Variants in CDC25C observed in about 807,000 individuals in gnomAD.
The protein encoded by CDC25C is cell division cycle 25C, also known as M-phase inducer phosphatase 3.
In CDC25C, 48 loss-of-function variants were observed where a neutral mutation model predicts 52.5. The observed-to-expected ratio is 0.91, with a 90% CI of 0.72 to 1.16. The LOEUF is 1.16. CDC25C is among the 50% of genes most tolerant of loss of function. The pLI is 0.00. For missense variants in CDC25C, 510 were observed against 566.1 expected (o/e 0.90, Z 1.01); for synonymous variants, 187 against 206.5 (o/e 0.91, Z 0.81).
intron 4 of CDC25C, among the ~76,000 whole-genome samples, chr5:138,326,674 CG>C (rs1310170323): frequency 3.3e-5 from 5 of 152,062 alleles, no homozygotes; most frequent in Non-Finnish European, 7.4e-5. Context: ...TAATTTCTGG[CG>C]GGGCGCTGTG....
intron 6 of CDC25C, among the ~76,000 whole-genome samples, chr5:138,320,022 AG>A (rs1390620552): frequency 7.2e-5 from 11 of 152,192 alleles, no homozygotes; most frequent in Non-Finnish European, 5.9e-5. Flanking sequence ...AATTAAAAGC[AG>A]GGGCCGGGCG....
At chr5:138,305,533 C>T (rs949482905) in intron 7 of CDC25C, among the ~76,000 whole-genome samples, 6 of 152,144 alleles carry the variant, frequency 3.9e-5, no homozygotes, top group Non-Finnish European at 5.9e-5. Context: ...TCTGGAGTAG[C>T]TAGGACTACA....
At chr5:138,288,669 G>A (rs1756464238) in intron 10 of CDC25C, among the ~76,000 whole-genome samples, 2 of 152,274 alleles carry the variant, frequency 1.3e-5, no homozygotes, top group South Asian at 2.1e-4. Context: ...TCCAGCCTGG[G>A]CAACAAGAGC....
chr5:138,329,824 G>A (rs529584583), intron 2 of CDC25C, among the ~76,000 whole-genome samples, 177 bp from the exon 3 acceptor site: 163 of 140,516 alleles, frequency 1.2e-3, no homozygotes, highest in Admixed American at 3.9e-3. Context: ...TCCGCCTCCC[G>A]GGTTCAAGCG....
At chr5:138,331,245 G>T in intron 1 of CDC25C, 27 bp from the exon 2 acceptor site, 1 of 1,430,348 alleles carries the variant, frequency 7.0e-7, no homozygotes. Flanking sequence ...ATCTAAATCG[G>T]TACATCACAG....
rs768753804 is a variant in CDC25C at position 138,286,080 on chromosome 5, T to C, written c.1214A>G (p.Tyr405Cys). The C allele has an allele frequency of 6.2e-7, 1 of 1,614,102 alleles. No individual in the cohort carries two copies. Among genetic ancestry groups the C allele is most frequent in the Non-Finnish European group, 8.5e-7 (1 of 1,179,980 alleles). Residue 405 changes from tyrosine (Y) to cysteine (C), a missense_variant, in exon 13 of 14, where the codon TAC becomes TGC. Physicochemically the swap from Tyr to Cys is radical, Grantham distance 194. Transcript: ENST00000323760. ...TTTAAGGATATATAGCTCTGGGTAG[T>C]ACAATGCAGGATACTGGTTCAGAGA... Reference protein sequence around the residue: ...DRSLNQYPALYYPELYILKGG... With the variant: ...DRSLNQYPALCYPELYILKGG...
chr5:138,324,265 T>C (rs1759678239), intron 6 of CDC25C, among the ~76,000 whole-genome samples: 1 of 151,744 alleles, frequency 6.6e-6, no homozygotes, highest in Non-Finnish European at 1.5e-5. Context: ...AGTGAGACTC[T>C]GTCTCAAAAT....
At chr5:138,321,627 C>CT (rs1031360372) in intron 6 of CDC25C, among the ~76,000 whole-genome samples, 2 of 151,628 alleles carry the variant, frequency 1.3e-5, no homozygotes, top group Admixed American at 6.6e-5. Flanking sequence ...TGGTGCACGC[C>CT]TATAGTCCCA....
At chr5:138,289,402 C>A in intron 10 of CDC25C, 99 bp downstream of exon 10, 1 of 845,364 alleles carries the variant, frequency 1.2e-6, no homozygotes, top group South Asian at 1.4e-5. Flanking sequence ...TGTGAGTGAA[C>A]ACAGTGAAAG....
At chr5:138,331,970 G>C (rs1561730389), upstream of CDC25C, 1 of 916,444 alleles carries the variant, frequency 1.1e-6, no homozygotes, top group East Asian at 1.2e-4. Context: ...TCTGGAAATG[G>C]TAAGACTTGC....
intron 2 of CDC25C, 79 bp from the exon 3 acceptor site, chr5:138,329,726 C>CTTTTTTTTTTTTTT: frequency 3.8e-6 from 1 of 264,460 alleles, no homozygotes; most frequent in Non-Finnish European, 6.6e-6. Flanking sequence ...TCATCCTCTT[C>CTTTTTTTTTTTTTT]TTTTTTTTTT....
At chr5:138,288,201 G>A (rs796745780) in intron 10 of CDC25C, among the ~76,000 whole-genome samples, 2 of 151,852 alleles carry the variant, frequency 1.3e-5, no homozygotes, top group Non-Finnish European at 2.9e-5. Context: ...TCAGCCTCCC[G>A]AGTAGCTGGG....
chr5:138,305,178 A>G (rs1241631302), intron 7 of CDC25C, among the ~76,000 whole-genome samples: 1 of 152,144 alleles, frequency 6.6e-6, no homozygotes. Flanking sequence ...ACTTAATACC[A>G]GCTTGTCCGG....
chr5:138,310,246 G>A (rs930944895), intron 7 of CDC25C, among the ~76,000 whole-genome samples: 4 of 152,098 alleles, frequency 2.6e-5, no homozygotes, highest in South Asian at 4.2e-4. Context: ...CTCCAATCTC[G>A]CTTCCAGGCC....
At position 138,331,108 on chromosome 5, in the gene CDC25C, G is replaced by C. The variant is rs750672924; in HGVS notation, c.73C>G (p.Gln25Glu). The C allele has an allele frequency of 1.9e-6, 3 of 1,613,696 alleles. No individual in the cohort carries two copies. Among genetic ancestry groups the C allele is most frequent in the Non-Finnish European group, 2.5e-6 (3 of 1,179,716 alleles). The change falls in exon 2 of 14, where the codon CAA becomes GAA. Residue 25 changes from glutamine (Q) to glutamate (E), a missense_variant. By Grantham distance (29) the Gln-to-Glu change is conservative. Transcript: ENST00000323760. Reference sequence around the variant, plus strand: ...AGGAGCAGGTTTAACATTTTCCTTTGATTAGACCTAAAACTGGGTCCTGAG... The same window carrying C: ...AGGAGCAGGTTTAACATTTTCCTTTCATTAGACCTAAAACTGGGTCCTGAG... ...SGSGPSFRSN[Q>E]RKMLNLLLER...
intron 7 of CDC25C, among the ~76,000 whole-genome samples, chr5:138,298,169 T>G (rs1284507635): frequency 6.6e-6 from 1 of 151,368 alleles, no homozygotes; most frequent in African/African-American, 2.4e-5. Context: ...TTGCATTTTT[T>G]TTTTTTTTTT....
upstream of CDC25C, among the ~76,000 whole-genome samples, chr5:138,334,331 A>G (rs560862543): frequency 2.0e-5 from 3 of 152,254 alleles, no homozygotes; most frequent in East Asian, 3.9e-4. Context: ...CCTGGGCAAC[A>G]TAGTGAGACT....
intron 6 of CDC25C, among the ~76,000 whole-genome samples, chr5:138,320,237 G>A (rs1759252258): frequency 6.6e-6 from 1 of 151,996 alleles, no homozygotes; most frequent in South Asian, 2.1e-4. Flanking sequence ...CCAGGGAGGT[G>A]GAAGTTGCAG....
intron 7 of CDC25C, among the ~76,000 whole-genome samples, chr5:138,316,340 C>A (rs1251376085): frequency 6.6e-6 from 1 of 152,202 alleles, no homozygotes; most frequent in East Asian, 1.9e-4. Context: ...ACCCTGCCAC[C>A]TTGACCCCCT....
Sources: gnomAD v4.1 joint callset for allele counts (sites outside exome capture counted in the v4.1 genomes callset) on GRCh38, gnomAD v4.1.1 for gene constraint, MANE v1.5 for transcripts, NCBI Gene and HGNC (gene_info 2026-07-23, HGNC 2026-07-21) for gene names.